Variants in CNTN3 observed in about 807,000 individuals in gnomAD.
The protein encoded by CNTN3 is contactin 3, also known as contactin-3.
CNTN3 carries 60 observed loss-of-function variants against 119.1 expected under a neutral mutation model. The ratio of observed to expected loss-of-function variants is 0.50; its 90% CI spans 0.41 to 0.62. CNTN3 has a LOEUF of 0.62. Among genes scored for constraint, CNTN3 ranks in the 20% least tolerant of loss-of-function variants. The pLI is 0.00. For missense variants in CNTN3, 1,101 were observed against 1,242.4 expected (o/e 0.89, Z 1.71); for synonymous variants, 450 against 438.7 (o/e 1.03, Z -0.32).
intron 4 of CNTN3, among the ~76,000 whole-genome samples, chr3:74,428,373 G>C (rs905462269): frequency 6.6e-6 from 1 of 152,026 alleles, no homozygotes; most frequent in African/African-American, 2.4e-5. Context: ...GCATGTTATT[G>C]CCCCTGAAGA....
intron 5 of CNTN3, among the ~76,000 whole-genome samples, chr3:74,384,510 T>G (rs999585082): frequency 6.6e-6 from 1 of 152,190 alleles, no homozygotes; most frequent in African/African-American, 2.4e-5. Flanking sequence ...GCTCATTGAT[T>G]CTCTTTCAAA....
chr3:74,514,813 C>T (rs182106139), intron 2 of CNTN3, among the ~76,000 whole-genome samples: 13 of 152,164 alleles, frequency 8.5e-5, no homozygotes, highest in African/African-American at 2.9e-4. Context: ...TCAAAGGAAG[C>T]AAAATGCAGA....
intron 5 of CNTN3, among the ~76,000 whole-genome samples, chr3:74,381,390 CA>C (rs886376906): frequency 1.1e-4 from 16 of 151,768 alleles, no homozygotes; most frequent in Non-Finnish European, 1.6e-4. Flanking sequence ...ATAAACATGA[CA>C]AAAAAATGCC....
intron 3 of CNTN3, among the ~76,000 whole-genome samples, chr3:74,487,617 C>G (rs1302701726): frequency 6.6e-6 from 1 of 152,146 alleles, no homozygotes; most frequent in East Asian, 1.9e-4. Flanking sequence ...TTGGTGGGAT[C>G]AGGAGTGGCA....
At chr3:74,483,256 T>C (rs1401021934) in intron 4 of CNTN3, among the ~76,000 whole-genome samples, 1 of 152,036 alleles carries the variant, frequency 6.6e-6, no homozygotes, top group African/African-American at 2.4e-5. Context: ...CATCTTAGGT[T>C]TGCTTTACGA....
At chr3:74,611,136 G>C (rs764292432) in intron 1 of CNTN3, among the ~76,000 whole-genome samples, 3 of 152,174 alleles carry the variant, frequency 2.0e-5, no homozygotes, top group Non-Finnish European at 4.4e-5. Flanking sequence ...GATAATCTAT[G>C]TCTTCAAATG....
At chr3:74,312,388 G>A (rs866813959) in intron 13 of CNTN3, among the ~76,000 whole-genome samples, 75 of 146,234 alleles carry the variant, frequency 5.1e-4, no homozygotes, top group Middle Eastern at 3.6e-3. Flanking sequence ...CCCGGGAGGC[G>A]GAGCTTGCAG....
intron 6 of CNTN3, among the ~76,000 whole-genome samples, chr3:74,370,914 G>A (rs1704319749): frequency 1.3e-5 from 2 of 152,098 alleles, no homozygotes; most frequent in South Asian, 4.1e-4. Flanking sequence ...ATAAGTCTTT[G>A]CCATTGCTGT....
At chr3:74,306,005 T>C (rs1311896670) in intron 13 of CNTN3, among the ~76,000 whole-genome samples, 1 of 151,940 alleles carries the variant, frequency 6.6e-6, no homozygotes, top group African/African-American at 2.4e-5. Flanking sequence ...ATAATAGTAA[T>C]TAAATTAAAA....
intron 1 of CNTN3, among the ~76,000 whole-genome samples, chr3:74,533,025 G>A (rs1013484321): frequency 6.6e-6 from 1 of 151,950 alleles, no homozygotes; most frequent in African/African-American, 2.4e-5. Context: ...CAGAAAAGCT[G>A]GCTCTGGGAT....
chr3:74,373,739 C>T (rs998807568), intron 5 of CNTN3, among the ~76,000 whole-genome samples: 15 of 152,106 alleles, frequency 9.9e-5, no homozygotes, highest in Non-Finnish European at 2.1e-4. Context: ...CAAAGGTTAA[C>T]ATTATTGATA....
At chr3:74,272,819 T>C (rs1323470260) in intron 20 of CNTN3, among the ~76,000 whole-genome samples, 1 of 152,184 alleles carries the variant, frequency 6.6e-6, no homozygotes, top group Non-Finnish European at 1.5e-5. Flanking sequence ...CAAGAATATG[T>C]TCCTAGTATT....
At chr3:74,431,194 T>C (rs1373917874) in intron 4 of CNTN3, among the ~76,000 whole-genome samples, 1 of 152,190 alleles carries the variant, frequency 6.6e-6, no homozygotes, top group African/African-American at 2.4e-5. Context: ...GATCTTCCCA[T>C]GCAGTAGCAA....
chr3:74,417,745 T>G (rs1325181275), intron 5 of CNTN3, among the ~76,000 whole-genome samples: 1 of 152,186 alleles, frequency 6.6e-6, no homozygotes, highest in Non-Finnish European at 1.5e-5. Flanking sequence ...GTTATCCATA[T>G]AAAAGCAGCT....
chr3:74,424,339 A>G (rs1701660471), intron 5 of CNTN3, among the ~76,000 whole-genome samples: 1 of 151,702 alleles, frequency 6.6e-6, no homozygotes, highest in African/African-American at 2.4e-5. Flanking sequence ...TGCAATTCCA[A>G]CGCCCCAATG....
chr3:74,384,495 C>T (rs186467269), intron 5 of CNTN3, among the ~76,000 whole-genome samples: 2 of 152,338 alleles, frequency 1.3e-5, no homozygotes, highest in Non-Finnish European at 2.9e-5. Context: ...CTGTTTGATA[C>T]AAATGCTCAT....
chr3:74,424,340 C>T (rs182679523), intron 5 of CNTN3, among the ~76,000 whole-genome samples: 120 of 151,602 alleles, frequency 7.9e-4, no homozygotes, highest in Non-Finnish European at 1.4e-3. Flanking sequence ...GCAATTCCAA[C>T]GCCCCAATGT....
In CNTN3 at chr3:74,298,025, A is replaced by C. The variant is rs1268204157; in HGVS notation, c.2333T>G (p.Val778Gly). Residue 778 changes from valine to glycine, a missense_variant, in exon 18 of 23, where the codon GTG becomes GGG. By Grantham distance (109) the Val-to-Gly change is moderately radical (BLOSUM62 -3). Coordinates refer to ENST00000263665, the MANE Select transcript of CNTN3 (RefSeq NM_020872.3). ...TTCACCTTTGTTATTATAAACACCCACTTTAACTTCATATGGTGAATATGG... is the reference window on the plus strand; with the variant it reads ...TTCACCTTTGTTATTATAAACACCCCCTTTAACTTCATATGGTGAATATGG... The part of the protein sequence containing the change: ...IVPYSPYEVK[V>G]GVYNNKGEGP... 1 of 1,614,104 alleles carries C rather than the reference A, an allele frequency of 6.2e-7. No individual in the cohort carries two copies.
chr3:74,530,441 G>A (rs934965150), intron 1 of CNTN3, among the ~76,000 whole-genome samples: 1 of 151,938 alleles, frequency 6.6e-6, no homozygotes, highest in Non-Finnish European at 1.5e-5. Context: ...CTTCCTCACA[G>A]AGAGGAAGGC....
Sources: allele counts gnomAD v4.1 joint callset (sites outside exome capture counted in the v4.1 genomes callset), GRCh38; gene constraint gnomAD v4.1.1; transcripts MANE v1.5; gene names NCBI Gene and HGNC (gene_info 2026-07-23, HGNC 2026-07-21).